PAK3: variants seen among roughly 807,000 people sequenced by gnomAD.
PAK3 encodes the protein p21 (RAC1) activated kinase 3, also known as serine/threonine-protein kinase PAK 3.
PAK3 carries 4 observed loss-of-function variants against 41.0 expected under a neutral mutation model. The ratio of observed to expected loss-of-function variants is 0.10; its 90% CI spans 0.05 to 0.22. The LOEUF (loss-of-function observed/expected upper bound fraction) is 0.22, where lower values mean the gene tolerates loss of function less well. PAK3 is among the 10% of genes least tolerant of loss of function. The pLI is 1.00. For missense variants in PAK3, 205 were observed against 409.9 expected (o/e 0.50, Z 4.32); for synonymous variants, 146 against 139.6 (o/e 1.05, Z -0.32).
chrX:111,049,867 T>C lies in PAK3; in HGVS notation c.-27-73210T>C, dbSNP rs143352410. Among the ~76,000 whole-genome samples the C allele has an allele frequency of 9.9e-5, 11 of 111,248 alleles. No individual in the cohort carries two copies. In the East Asian group the frequency reaches 3.1e-3, roughly 32 times the overall value. On this transcript the variant is annotated intron_variant, in intron 1 of 14. Coordinates refer to the PAK3 transcript ENST00000425146. ...TAGGTGGGAGGGAAGAATGACAGGT[T>C]TGGTATAGAACATGCTGATTTTTAC...
At chrX:111,044,051 C>G (rs2092475762) in intron 1 of PAK3, among the ~76,000 whole-genome samples, 1 of 111,801 alleles carries the variant, frequency 8.9e-6, no homozygotes, top group African/African-American at 3.3e-5. Flanking sequence ...TTTTAAAAAA[C>G]AGATTTTCTG....
chrX:111,026,867 CAG>C (rs2092277279), intron 1 of PAK3, among the ~76,000 whole-genome samples: 1 of 111,573 alleles, frequency 9.0e-6, no homozygotes. Context: ...ACTAAGAAAA[CAG>C]AACAAATCTG....
chrX:111,162,045 C>T (rs772851273), intron 8 of PAK3, among the ~76,000 whole-genome samples: 11 of 111,662 alleles, frequency 9.9e-5, no homozygotes, highest in Middle Eastern at 4.6e-3. Flanking sequence ...CGCTGGGCTC[C>T]ACTTCCAGAG....
At chrX:111,171,809 A>C (rs1263498358) in intron 10 of PAK3, among the ~76,000 whole-genome samples, 1 of 111,780 alleles carries the variant, frequency 8.9e-6, no homozygotes, top group African/African-American at 3.2e-5. Flanking sequence ...ACATTTACAC[A>C]ACTCATTAAA....
At chrX:111,067,176 G>T (rs1440763976) in intron 1 of PAK3, among the ~76,000 whole-genome samples, 3 of 111,239 alleles carry the variant, frequency 2.7e-5, no homozygotes, top group African/African-American at 9.8e-5. Flanking sequence ...ATACCTTATT[G>T]CATTGGTTAG....
intron 17 of PAK3, among the ~76,000 whole-genome samples, chrX:111,220,133 G>A (rs1485122126): frequency 1.8e-5 from 2 of 111,572 alleles, no homozygotes; most frequent in Non-Finnish European, 3.8e-5. Flanking sequence ...GGTTTTACAA[G>A]ATCCCTCAGA....
chrX:111,036,759 A>T (rs1465843757), intron 1 of PAK3, among the ~76,000 whole-genome samples: 1 of 111,582 alleles, frequency 9.0e-6, no homozygotes, highest in Non-Finnish European at 1.9e-5. Flanking sequence ...GCCATCATTT[A>T]GTCCCCCGAT....
chrX:111,162,228 T>C lies in PAK3; in HGVS notation c.469-687T>C, dbSNP rs1012533959. Among the ~76,000 whole-genome samples the C allele has an allele frequency of 5.3e-5, 6 of 112,201 alleles. No homozygotes were observed. The South Asian group carries it at 2.2e-3, about 42-fold the overall frequency. On this transcript the variant is annotated intron_variant, in intron 8 of 17. Coordinates refer to ENST00000372007, the MANE Select transcript of PAK3 (RefSeq NM_002578.5). ...TGTATTAACATGAGTGATCAAGAAC[T>C]GTCCCTAGGTATTGTTGCTATTGTA...
intron 1 of PAK3, among the ~76,000 whole-genome samples, chrX:111,081,558 C>G (rs1166919761): frequency 9.1e-6 from 1 of 110,047 alleles, no homozygotes; most frequent in Non-Finnish European, 1.9e-5. Flanking sequence ...AAAAATGTGA[C>G]TGAATTTGAA....
intron 1 of PAK3, among the ~76,000 whole-genome samples, chrX:111,084,701 G>A (rs1258419719): frequency 5.4e-5 from 6 of 112,009 alleles, no homozygotes; most frequent in Non-Finnish European, 1.1e-4. Context: ...TCACAACCAG[G>A]GAAGTTTTTA....
intron 7 of PAK3, among the ~76,000 whole-genome samples, chrX:111,152,128 T>A (rs1162693075): frequency 8.9e-6 from 1 of 112,327 alleles, no homozygotes; most frequent in Non-Finnish European, 1.9e-5. Flanking sequence ...ATCATACCTG[T>A]TAAGAGTAGG....
intron 1 of PAK3, among the ~76,000 whole-genome samples, chrX:111,007,002 C>G (rs1194059426): frequency 1.8e-5 from 2 of 108,915 alleles, no homozygotes; most frequent in Admixed American, 2.0e-4. Context: ...GCATGAGTTA[C>G]CATGCCCCCC....
At chrX:111,010,364 T>A (rs923941042) in intron 1 of PAK3, among the ~76,000 whole-genome samples, 30 of 111,523 alleles carry the variant, frequency 2.7e-4, no homozygotes, top group African/African-American at 9.8e-4. Context: ...CCAAATCAAA[T>A]CCTTGACAAG....
At chrX:111,077,821 A>G (rs772725997) in intron 1 of PAK3, among the ~76,000 whole-genome samples, 2 of 112,103 alleles carry the variant, frequency 1.8e-5, no homozygotes, top group African/African-American at 6.5e-5. Flanking sequence ...GATTACATCA[A>G]GCTAAAAATT....
intron 4 of PAK3, among the ~76,000 whole-genome samples, chrX:111,103,823 C>G (rs1012840136): frequency 9.0e-6 from 1 of 111,650 alleles, no homozygotes; most frequent in Non-Finnish European, 1.9e-5. Context: ...CCTTCCCAAA[C>G]CTTCCCTCTG....
At position 111,152,750 on chromosome X, in the gene PAK3, T is replaced by TATGG. The variant is rs776372269; in HGVS notation, c.468+305_468+308dup. ...CACCCTAGTCACAGGCAAGAACTAA[T>TATGG]ATGGAATCTGCCTTTATGGATTTGG... On this transcript the variant is annotated intron_variant, in intron 8 of 17. Coordinates refer to ENST00000372007, the MANE Select transcript of PAK3 (RefSeq NM_002578.5). 44 of 185,687 alleles carry TATGG rather than the reference T, an allele frequency of 2.4e-4. No individual in the cohort carries two copies. In the East Asian group the frequency reaches 4.5e-3, roughly 19 times the overall value. 15.3% of individuals were successfully genotyped at this position (185,687 alleles called of 1,213,427 possible). A position where few individuals can be genotyped will look rare whatever the true frequency, so the allele number is the denominator to read the frequency against.
At chrX:111,017,731 T>C (rs1245759291) in intron 1 of PAK3, among the ~76,000 whole-genome samples, 2 of 111,747 alleles carry the variant, frequency 1.8e-5, no homozygotes, top group Non-Finnish European at 3.8e-5. Flanking sequence ...ATTTCCTAAC[T>C]TACTCTATGA....
intron 1 of PAK3, among the ~76,000 whole-genome samples, chrX:110,962,931 G>T (rs756545416): frequency 7.2e-4 from 81 of 111,901 alleles, no homozygotes; most frequent in Non-Finnish European, 1.1e-3. Flanking sequence ...TCGTTTGGTT[G>T]CAAGGCCCAG....
intron 1 of PAK3, among the ~76,000 whole-genome samples, chrX:111,012,192 G>A (rs182280142): frequency 5.4e-5 from 6 of 111,645 alleles, no homozygotes; most frequent in Non-Finnish European, 1.1e-4. Context: ...TTTACTTATG[G>A]AAAAATTGCT....
Sources: gnomAD v4.1 joint callset for allele counts (sites outside exome capture counted in the v4.1 genomes callset) on GRCh38, gnomAD v4.1.1 for gene constraint, MANE v1.5 for transcripts, NCBI Gene and HGNC (gene_info 2026-07-23, HGNC 2026-07-21) for gene names.